The following SLC9A9 variants were observed in gnomAD, a reference collection of about 807,000 sequenced individuals.
SLC9A9 encodes the protein sodium/hydrogen exchanger 9.
Under a neutral mutation model 77.8 loss-of-function variants are expected in SLC9A9, and 62 were observed. The ratio of observed to expected loss-of-function variants is 0.80; its 90% CI spans 0.65 to 0.98. SLC9A9 has a LOEUF of 0.98. SLC9A9 is among the 50% of genes least tolerant of loss of function. The pLI is 0.00. For synonymous variants in SLC9A9, 320 were observed against 283.5 expected (o/e 1.13, Z -1.29); for missense variants, 775 against 774.9 (o/e 1.00, Z 0.00).
chr3:143,563,087 A>G (rs2037114130), intron 8 of SLC9A9, among the ~76,000 whole-genome samples: 1 of 152,128 alleles, frequency 6.6e-6, no homozygotes, highest in African/African-American at 2.4e-5. Flanking sequence ...TAGAACCAAC[A>G]CTTTTTGATA....
chr3:143,631,801 A>C (rs1478628596), intron 6 of SLC9A9, among the ~76,000 whole-genome samples: 1 of 152,156 alleles, frequency 6.6e-6, no homozygotes, highest in Non-Finnish European at 1.5e-5. Flanking sequence ...CTGGATTTTT[A>C]TGCTAGTTCT....
At chr3:143,684,845 A>C (rs1009764132) in intron 5 of SLC9A9, among the ~76,000 whole-genome samples, 16 of 152,216 alleles carry the variant, frequency 1.1e-4, no homozygotes, top group African/African-American at 3.6e-4. Flanking sequence ...TGAGACTGGG[A>C]GGAGAGATTT....
chr3:143,370,475 A>T (rs1479034656), intron 13 of SLC9A9, among the ~76,000 whole-genome samples: 1 of 151,846 alleles, frequency 6.6e-6, no homozygotes. Context: ...TACCTGCTTC[A>T]TTGTATTCTT....
At chr3:143,787,924 G>T (rs1002141846) in intron 4 of SLC9A9, among the ~76,000 whole-genome samples, 4 of 151,782 alleles carry the variant, frequency 2.6e-5, no homozygotes, top group Non-Finnish European at 4.4e-5. Context: ...AAGAACTACA[G>T]TAATAACAGA....
At chr3:143,841,225 C>T (rs566468696) in intron 1 of SLC9A9, among the ~76,000 whole-genome samples, 8 of 152,070 alleles carry the variant, frequency 5.3e-5, no homozygotes, top group Non-Finnish European at 1.2e-4. Context: ...CACACACAAA[C>T]ACACCTACGT....
chr3:143,495,151 T>G (rs2035811340), intron 10 of SLC9A9, among the ~76,000 whole-genome samples, 184 bp downstream of exon 10: 1 of 152,214 alleles, frequency 6.6e-6, no homozygotes, highest in Non-Finnish European at 1.5e-5. Flanking sequence ...CCATAATTAT[T>G]TAATGGAGGT....
At chr3:143,622,662 T>C (rs2038239726) in intron 6 of SLC9A9, among the ~76,000 whole-genome samples, 1 of 152,126 alleles carries the variant, frequency 6.6e-6, no homozygotes, top group Non-Finnish European at 1.5e-5. Flanking sequence ...TGCAAAAACA[T>C]GCCAAATTGT....
intron 5 of SLC9A9, among the ~76,000 whole-genome samples, chr3:143,661,472 C>T (rs1019206745): frequency 1.3e-5 from 2 of 152,138 alleles, no homozygotes; most frequent in African/African-American, 4.8e-5. Context: ...GCACTGTGAA[C>T]CCTTCCTGTC....
At chr3:143,670,162 T>TTAG (rs1404537337) in intron 5 of SLC9A9, among the ~76,000 whole-genome samples, 1 of 152,238 alleles carries the variant, frequency 6.6e-6, no homozygotes, top group Non-Finnish European at 1.5e-5. Context: ...TTTCTGAGTC[T>TTAG]TAGGGTCTTC....
intron 12 of SLC9A9, among the ~76,000 whole-genome samples, chr3:143,384,648 T>C (rs1388704650): frequency 6.6e-6 from 1 of 152,098 alleles, no homozygotes; most frequent in African/African-American, 2.4e-5. Context: ...ATGAAATTCT[T>C]TCATTTGATG....
At position 143,517,821 on chromosome 3, in the gene SLC9A9, A is replaced by G. The variant is rs1576548931; in HGVS notation, c.1090-22373T>C. On this transcript the variant is annotated intron_variant, in intron 9 of 15. Coordinates refer to ENST00000316549, the MANE Select transcript of SLC9A9 (RefSeq NM_173653.4). The stretch of plus-strand genomic sequence containing the variant: ...GGATTCAGCTTGATGGCATCTGTGA[A>G]TAAGTCAATGGCTTTCTGGAGTTCA... 8.1e-6 allele frequency: 13 copies of G among 1,600,850 alleles called. No individual in the cohort carries two copies. In the East Asian group the frequency reaches 2.9e-4, roughly 36 times the overall value.
intron 6 of SLC9A9, among the ~76,000 whole-genome samples, chr3:143,629,557 ATGTGCGTGTG>A (rs1430303881): frequency 1.3e-5 from 2 of 151,384 alleles, no homozygotes; most frequent in Non-Finnish European, 2.9e-5. Flanking sequence ...CTACCAGTAT[ATGTGCGTGTG>A]TGTGCGTGTG....
At chr3:143,301,563 C>T (rs2030517087) in intron 14 of SLC9A9, among the ~76,000 whole-genome samples, 2 of 152,118 alleles carry the variant, frequency 1.3e-5, no homozygotes, top group Non-Finnish European at 2.9e-5. Context: ...GTGTTAGGGC[C>T]ATCCTCTGCA....
chr3:143,510,610 C>G (rs1406503926), intron 9 of SLC9A9, among the ~76,000 whole-genome samples: 3 of 152,048 alleles, frequency 2.0e-5, no homozygotes, highest in Non-Finnish European at 4.4e-5. Context: ...CTTCTTGTAC[C>G]CGCTTCATAT....
At chr3:143,652,468 T>C in intron 5 of SLC9A9, 108 bp from the exon 6 acceptor site, 1 of 823,764 alleles carries the variant, frequency 1.2e-6, no homozygotes, top group African/African-American at 1.7e-5. Flanking sequence ...TCTTCTCAAA[T>C]CCAATGACTA....
At chr3:143,388,790 C>T (rs901003014) in intron 12 of SLC9A9, among the ~76,000 whole-genome samples, 3 of 152,124 alleles carry the variant, frequency 2.0e-5, no homozygotes, top group Admixed American at 6.5e-5. Context: ...AAAAACAAAT[C>T]GGAAGCAAAG....
intron 8 of SLC9A9, among the ~76,000 whole-genome samples, chr3:143,558,268 G>T (rs2037022589): frequency 1.3e-5 from 2 of 152,342 alleles, no homozygotes; most frequent in South Asian, 4.1e-4. Context: ...CTCTGCTAGG[G>T]TAGTATGGAA....
chr3:143,338,820 T>TA lies in SLC9A9; in HGVS notation c.1604+24663dup, dbSNP rs200669998. On this transcript the variant is annotated intron_variant, in intron 14 of 15. Transcript: ENST00000316549. Reference sequence around the variant, plus strand: ...CATTTTAAATATTAGAAAACAGAGATACGAAAAGGTTACTTGCCCAAGTCA... The same window carrying TA: ...CATTTTAAATATTAGAAAACAGAGATAACGAAAAGGTTACTTGCCCAAGTCA... Among the ~76,000 whole-genome samples, 1,278 of 152,206 alleles carry TA rather than the reference T, an allele frequency of 8.4e-3. 11 individuals carry two copies. The highest frequency in any genetic ancestry group is 9.1e-3 in the Non-Finnish European group (616 of 67,996).
At chr3:143,508,796 T>C (rs1197228704) in intron 9 of SLC9A9, among the ~76,000 whole-genome samples, 1 of 152,192 alleles carries the variant, frequency 6.6e-6, no homozygotes, top group Non-Finnish European at 1.5e-5. Context: ...GGGTCATCTT[T>C]TGGGTAAGAT....
Sources: allele counts gnomAD v4.1 joint callset (sites outside exome capture counted in the v4.1 genomes callset), GRCh38; gene constraint gnomAD v4.1.1; transcripts MANE v1.5; gene names NCBI Gene and HGNC (gene_info 2026-07-23, HGNC 2026-07-21).